PGM3: variants seen among roughly 807,000 people sequenced by gnomAD.
PGM3 encodes phosphoacetylglucosamine mutase.
PGM3 carries 40 observed loss-of-function variants against 66.2 expected under a neutral mutation model. The ratio of observed to expected loss-of-function variants is 0.60; its 90% CI spans 0.47 to 0.79. PGM3 has a LOEUF of 0.79. PGM3 is among the 30% of genes least tolerant of loss of function. The pLI, the probability that PGM3 is intolerant of heterozygous loss-of-function variation, is 0.00. For synonymous variants in PGM3, 191 were observed against 224.2 expected (o/e 0.85, Z 1.32); for missense variants, 537 against 643.4 (o/e 0.83, Z 1.79).
intron 2 of PGM3, among the ~76,000 whole-genome samples, chr6:83,190,136 C>A (rs749166238): frequency 1.3e-5 from 2 of 152,146 alleles, no homozygotes; most frequent in African/African-American, 2.4e-5. Context: ...CACCACAAAA[C>A]AAGGTAACTA....
chr6:83,189,843 T>C (rs750441548), intron 2 of PGM3, among the ~76,000 whole-genome samples: 3 of 152,212 alleles, frequency 2.0e-5, no homozygotes, highest in Non-Finnish European at 4.4e-5. Flanking sequence ...TGCATCATGG[T>C]TGAATCTGGA....
At chr6:83,162,573 T>C (rs1784478757), downstream of PGM3, among the ~76,000 whole-genome samples, 1 of 152,206 alleles carries the variant, frequency 6.6e-6, no homozygotes, top group Non-Finnish European at 1.5e-5. Flanking sequence ...ATTTATTCCT[T>C]ACAACCTTAT....
Position 83,165,345 on chromosome 6 carries a change from T to C in PGM3, c.*3889A>G, listed in dbSNP as rs1583214686. 6.6e-6 allele frequency: 1 copy of C among 152,408 alleles called. No individual in the cohort carries two copies. Among genetic ancestry groups the C allele is most frequent in the Admixed American group, 6.5e-5 (1 of 15,280 alleles). 9.4% of individuals were successfully genotyped at this position (152,408 alleles called of 1,614,324 possible). A position where few individuals can be genotyped will look rare whatever the true frequency, so the allele number is the denominator to read the frequency against. ...AGTGATAGCTGTTAAGTTTTTTGGTTTGTTTTTGACCAGAGATGATGAAGT... is the reference window on the plus strand; with the variant it reads ...AGTGATAGCTGTTAAGTTTTTTGGTCTGTTTTTGACCAGAGATGATGAAGT... On this transcript the variant is annotated 3_prime_UTR_variant, in exon 13 of 13. Coordinates refer to ENST00000513973, the MANE Select transcript of PGM3 (RefSeq NM_015599.3).
intron 6 of PGM3, among the ~76,000 whole-genome samples, chr6:83,180,889 G>A (rs777434243): frequency 6.6e-6 from 1 of 152,184 alleles, no homozygotes; most frequent in Non-Finnish European, 1.5e-5. Context: ...CAGAATGCAT[G>A]TCCTATTTTA....
chr6:83,155,756 C>A, the PGM3 span, among the ~76,000 whole-genome samples: 2 of 152,224 alleles, frequency 1.3e-5, no homozygotes, highest in African/African-American at 4.8e-5. Flanking sequence ...ATCACAATTC[C>A]TACCATTTTG....
Position 83,168,225 on chromosome 6 carries a change from A to T in PGM3, c.*1009T>A, listed in dbSNP as rs2128469592. 1.3e-6 allele frequency: 2 copies of T among 1,546,440 alleles called. No individual in the cohort carries two copies. Among genetic ancestry groups the T allele is most frequent in the East Asian group, 4.6e-5 (2 of 43,380 alleles). On this transcript the variant is annotated 3_prime_UTR_variant, in exon 13 of 13. Coordinates refer to ENST00000513973, the MANE Select transcript of PGM3 (RefSeq NM_015599.3). ...AAATGTAATTATTTAAAACACACACACTGCTCTGCGTTGTATAGTTTTTCC... is the reference window on the plus strand; with the variant it reads ...AAATGTAATTATTTAAAACACACACTCTGCTCTGCGTTGTATAGTTTTTCC...
intron 8 of PGM3, among the ~76,000 whole-genome samples, chr6:83,176,813 T>C (rs1787806929): frequency 6.6e-6 from 1 of 152,158 alleles, no homozygotes; most frequent in Non-Finnish European, 1.5e-5. Flanking sequence ...GAAGTAACAG[T>C]TTCTTAAACT....
intron 6 of PGM3, among the ~76,000 whole-genome samples, chr6:83,180,259 G>A (rs1014785385): frequency 6.6e-6 from 1 of 152,052 alleles, no homozygotes; most frequent in Non-Finnish European, 1.5e-5. Flanking sequence ...AAGGTTTTTT[G>A]AAAGCTACAT....
At position 83,167,324 on chromosome 6, in the gene PGM3, C is replaced by CGA; in HGVS notation, c.*1909_*1910insTC. 4.1e-6 allele frequency: 4 copies of CGA among 985,466 alleles called. No individual in the cohort carries two copies. The highest frequency in any genetic ancestry group is 4.8e-6 in the Non-Finnish European group (4 of 830,006). The allele number at this position is 985,466 out of a possible 1,614,324, so 61.0% of individuals were successfully genotyped here. On this transcript the variant is annotated 3_prime_UTR_variant, in exon 13 of 13. Transcript: ENST00000513973. ...GAGACAGCAGTGTCTCCTGAGGGAT[C>CGA]CCTTCCTTTCTCTGTGATGCAGTAC...
the PGM3 span, chr6:83,155,819 A>T: frequency 1.0e-6 from 1 of 998,502 alleles, no homozygotes; most frequent in African/African-American, 1.6e-5. Flanking sequence ...TGCCCCAGAG[A>T]GGGGCATCAA....
At chr6:83,157,439 A>G (rs1053107715), downstream of PGM3, 3 of 1,043,684 alleles carry the variant, frequency 2.9e-6, no homozygotes, top group Admixed American at 4.7e-5. Flanking sequence ...TAAACCAGTT[A>G]CTGATGCTTT....
the PGM3 span, among the ~76,000 whole-genome samples, chr6:83,150,527 A>G: frequency 6.6e-6 from 1 of 152,166 alleles, no homozygotes; most frequent in Non-Finnish European, 1.5e-5. Context: ...TCCTTTTAAA[A>G]TTTGTCAGTT....
Position 83,187,077 on chromosome 6 carries a change from TA to T in PGM3, c.390-3del. The T allele has an allele frequency of 6.3e-7, 1 of 1,593,400 alleles. No individual in the cohort carries two copies. Among genetic ancestry groups the T allele is most frequent in the South Asian group, 1.1e-5 (1 of 90,190 alleles). ...TGTGAAAGTTTCTCACTGCTGGGCC[TA>T]GGAAAGAAAAGGAAGAAAATAATAT... On this transcript the variant is annotated splice_region_variant and splice_polypyrimidine_tract_variant and intron_variant, in intron 3 of 12. Coordinates refer to ENST00000513973, the MANE Select transcript of PGM3 (RefSeq NM_015599.3).
chr6:83,148,745 A>G, the PGM3 span: 1 of 1,512,828 alleles, frequency 6.6e-7, no homozygotes, highest in Non-Finnish European at 8.9e-7. Context: ...TGTATAAACT[A>G]TATTATCTTG....
chr6:83,171,600 C>T (rs897099048), intron 11 of PGM3, among the ~76,000 whole-genome samples: 3 of 152,164 alleles, frequency 2.0e-5, no homozygotes, highest in Non-Finnish European at 4.4e-5. Context: ...AAGTGATTCT[C>T]CTGCCTCAGC....
chr6:83,154,064 T>C, the PGM3 span: 8 of 1,613,632 alleles, frequency 5.0e-6, no homozygotes, highest in African/African-American at 9.3e-5. Flanking sequence ...CTCTTATTTG[T>C]ATTCAGCATG....
the PGM3 span, among the ~76,000 whole-genome samples, chr6:83,150,839 TACAC>T: frequency 1.6e-4 from 25 of 152,256 alleles, no homozygotes; most frequent in Middle Eastern, 3.4e-3. Flanking sequence ...CATAGAAAAA[TACAC>T]AAATAATTAG....
In PGM3 at chr6:83,177,725, A is replaced by G. The variant is rs189635807; in HGVS notation, c.1029+948T>C. Among the ~76,000 whole-genome samples, 20 of 152,282 alleles carry G rather than the reference A, an allele frequency of 1.3e-4. No homozygotes were observed. The East Asian group carries it at 3.9e-3, about 29-fold the overall frequency. Reference sequence around the variant, plus strand: ...CCCGATTTTAATAAGAGTCATGCTAAGTGAGCTTAGCGAGAATCCCTCATC... The same window carrying G: ...CCCGATTTTAATAAGAGTCATGCTAGGTGAGCTTAGCGAGAATCCCTCATC... On this transcript the variant is annotated intron_variant, in intron 8 of 12. Transcript: ENST00000513973.
intron 12 of PGM3, 114 bp downstream of exon 12, chr6:83,170,191 G>T (rs182613243): frequency 6.4e-5 from 59 of 926,988 alleles, no homozygotes; most frequent in Middle Eastern, 2.8e-4. Context: ...AACCTAAAAG[G>T]CTCAACAAAA....
Sources: gnomAD v4.1 joint callset for allele counts (sites outside exome capture counted in the v4.1 genomes callset) on GRCh38, gnomAD v4.1.1 for gene constraint, MANE v1.5 for transcripts, NCBI Gene and HGNC (gene_info 2026-07-23, HGNC 2026-07-21) for gene names.